The following CRYBB1 variants were observed in gnomAD, a reference collection of about 807,000 sequenced individuals.
CRYBB1 encodes the protein beta-crystallin B1.
CRYBB1 carries 16 observed loss-of-function variants against 29.5 expected under a neutral mutation model. That is an observed-to-expected ratio of 0.54 (90% confidence interval 0.37 to 0.82). The LOEUF (loss-of-function observed/expected upper bound fraction) is 0.82. Ranked by LOEUF, CRYBB1 falls within the 40% of genes least tolerant of loss-of-function variation. CRYBB1 has a pLI of 0.00. For missense variants in CRYBB1, 300 were observed against 350.5 expected (o/e 0.86, Z 1.15); for synonymous variants, 127 against 136.7 (o/e 0.93, Z 0.49).
intron 4 of CRYBB1, 110 bp from the exon 5 acceptor site, chr22:26,602,131 G>C (rs566338372): frequency 1.3e-5 from 18 of 1,378,304 alleles, no homozygotes; most frequent in Non-Finnish European, 1.7e-5. Context: ...TGTTCAGGCT[G>C]CTGGGGGACT....
chr22:26,615,618 A>T (rs139826232), intron 2 of CRYBB1, among the ~76,000 whole-genome samples: 5,182 of 151,682 alleles, frequency 0.034, 148 homozygotes, highest in East Asian at 0.093. Flanking sequence ...GGTTCAAGTG[A>T]TTCTCCTGCC....
At chr22:26,617,127 G>T (rs1309133115) in intron 1 of CRYBB1, among the ~76,000 whole-genome samples, 1 of 152,172 alleles carries the variant, frequency 6.6e-6, no homozygotes, top group African/African-American at 2.4e-5. Context: ...GAGGACCCAA[G>T]AGGATGTATT....
intron 3 of CRYBB1, among the ~76,000 whole-genome samples, chr22:26,609,631 T>G (rs1929094427): frequency 6.6e-6 from 1 of 152,020 alleles, no homozygotes; most frequent in Non-Finnish European, 1.5e-5. Context: ...TGGATGTATG[T>G]ATGGATAGAT....
At chr22:26,612,235 G>C (rs769654958) in intron 2 of CRYBB1, 45 bp from the exon 3 acceptor site, 1 of 1,333,740 alleles carries the variant, frequency 7.5e-7, no homozygotes, top group Non-Finnish European at 1.1e-6. Context: ...TGAGGGGGGA[G>C]TCAAAAATTC....
In CRYBB1 at chr22:26,599,520, G is replaced by A; in HGVS notation, c.729C>T (p.Phe243=). 6.2e-7 allele frequency: 1 copy of A among 1,613,440 alleles called. No homozygotes were observed. Among genetic ancestry groups the A allele is most frequent in the Non-Finnish European group, 8.5e-7 (1 of 1,180,038 alleles). ...RDKQWHLEGS[F]PVLATEPPK ...TGGGGGGCTCTGTGGCCAGGACAGG[G>A]AAGGACCCCTCGAGGTGCCACTGCT... The change falls in exon 6 of 6, where the codon TTC becomes TTT. Residue 243 remains phenylalanine, a synonymous_variant. Transcript: ENST00000647684.
intron 2 of CRYBB1, among the ~76,000 whole-genome samples, chr22:26,614,379 T>C (rs1929276582): frequency 6.6e-6 from 1 of 152,220 alleles, no homozygotes. Flanking sequence ...TTTTGTACTC[T>C]GTCCCTTTAT....
intron 4 of CRYBB1, among the ~76,000 whole-genome samples, chr22:26,603,627 G>A (rs1467328826): frequency 1.3e-5 from 2 of 150,864 alleles, no homozygotes; most frequent in African/African-American, 2.4e-5. Context: ...AGGCCTGGCC[G>A]GGCGCGGTGG....
rs148083686 is a variant in CRYBB1 at position 26,607,927 on chromosome 22, G to A, written c.394C>T (p.Arg132Cys). The change falls in exon 4 of 6, where the codon CGC becomes TGC. Residue 132 changes from arginine to cysteine, a missense_variant. Arg to Cys is a radical substitution (Grantham distance 180, BLOSUM62 -3). Coordinates refer to ENST00000647684, the MANE Select transcript of CRYBB1 (RefSeq NM_001887.4). ...CGGAAGGACATGAGCCGATCACTGC[G>A]GTAGCTGCTCGACCATGTGTTCCAG... ...PRWNTWSSSY[R>C]SDRLMSFRPI... is the part of the protein sequence containing the mutation. 105 of 1,614,068 alleles carry A rather than the reference G, an allele frequency of 6.5e-5. No individual in the cohort carries two copies. The African/African-American group carries it at 7.3e-4, about 11-fold the overall frequency.
At position 26,616,147 on chromosome 22, in the gene CRYBB1, T is replaced by A; in HGVS notation, c.173A>T (p.Asn58Ile). 6.2e-7 allele frequency: 1 copy of A among 1,613,936 alleles called. No homozygotes were observed. Among genetic ancestry groups the A allele is most frequent in the Non-Finnish European group, 8.5e-7 (1 of 1,179,824 alleles). Residue 58 changes from asparagine to isoleucine, a missense_variant, in exon 2 of 6, where the codon AAC (asparagine) becomes ATC (isoleucine). Coordinates refer to ENST00000647684, the MANE Select transcript of CRYBB1 (RefSeq NM_001887.4). Reference sequence around the variant, plus strand: ...GCACCCCCAGGTCCTTACCCTGTAGTTCCCAGGAGGCAGTTCCGCCGCCTT... The same window carrying A: ...GCACCCCCAGGTCCTTACCCTGTAGATCCCAGGAGGCAGTTCCGCCGCCTT... ...SAKAAELPPG[N>I]YRLVVFELEN...
At chr22:26,612,780 G>GCTCCCA (rs138181017) in intron 2 of CRYBB1, among the ~76,000 whole-genome samples, 2,825 of 152,278 alleles carry the variant, frequency 0.019, 79 homozygotes, top group African/African-American at 0.065. Flanking sequence ...CCAGCTTGGA[G>GCTCCCA]CTCCCACTGC....
At chr22:26,602,972 A>G (rs1928867409) in intron 4 of CRYBB1, among the ~76,000 whole-genome samples, 1 of 151,544 alleles carries the variant, frequency 6.6e-6, no homozygotes, top group Non-Finnish European at 1.5e-5. Context: ...AAATACAAAA[A>G]AAATTAGCCG....
At position 26,607,963 on chromosome 22, in the gene CRYBB1, C is replaced by T. The variant is rs762762177; in HGVS notation, c.358G>A (p.Glu120Lys). ...RGEMFILEKG[E>K]YPRWNTWSSS... ...GACCATGTGTTCCAGCGAGGGTACT[C>T]GCCCTTCTCCAGGATGAACATCTCC... Residue 120 changes from glutamate (E) to lysine (K), a missense_variant, in exon 4 of 6, where the codon GAG (glutamate) becomes AAG (lysine). Transcript: ENST00000647684. 9.9e-6 allele frequency: 16 copies of T among 1,614,078 alleles called. No individual in the cohort carries two copies. Among genetic ancestry groups the T allele is most frequent in the Admixed American group, 5.0e-5 (3 of 60,002 alleles).
intron 1 of CRYBB1, among the ~76,000 whole-genome samples, 177 bp from the exon 2 acceptor site, chr22:26,616,515 T>TG (rs1310516071): frequency 1.3e-5 from 2 of 152,216 alleles, no homozygotes; most frequent in African/African-American, 4.8e-5. Flanking sequence ...CCTTCCCGTC[T>TG]GGGGGCCACT....
Position 26,612,190 on chromosome 22 carries a change from G to A in CRYBB1, c.181C>T (p.Leu61=), listed in dbSNP as rs1444738014. The change falls in exon 3 of 6, where the codon CTG becomes TTG. Residue 61 remains leucine (L), a splice_region_variant and synonymous_variant. Coordinates refer to ENST00000647684, the MANE Select transcript of CRYBB1 (RefSeq NM_001887.4). ...AAELPPGNYR[L]VVFELENFQG... ...AAGTTTTCCAGTTCGAAGACCACCA[G>A]CTGCAGGAGAGAAGCCCCCATGCCA... 2.5e-6 allele frequency: 4 copies of A among 1,609,130 alleles called. No individual in the cohort carries two copies. The highest frequency in any genetic ancestry group is 2.2e-5 in the East Asian group (1 of 44,828).
At chr22:26,601,397 T>G (rs1257774425) in intron 5 of CRYBB1, among the ~76,000 whole-genome samples, 1 of 152,066 alleles carries the variant, frequency 6.6e-6, no homozygotes, top group Non-Finnish European at 1.5e-5. Context: ...CTGGCAAGAC[T>G]GAGAGGCAGA....
At position 26,602,223 on chromosome 22, in the gene CRYBB1, A is replaced by C. The variant is rs2301442; in HGVS notation, c.433-202T>G. 8.0e-4 allele frequency among the ~76,000 whole-genome samples: 122 copies of C among 152,254 alleles called. 1 individual carries two copies. In the East Asian group the frequency reaches 0.022, roughly 28 times the overall value. ...ACTCCCACGTCATAGGGTCCTCGTG[A>C]GGATGAAATGAGTGTATCCATATAG... On this transcript the variant is annotated intron_variant, in intron 4 of 5. Coordinates refer to ENST00000647684, the MANE Select transcript of CRYBB1 (RefSeq NM_001887.4).
chr22:26,612,666 C>G (rs139715051), intron 2 of CRYBB1, among the ~76,000 whole-genome samples: 148 of 152,348 alleles, frequency 9.7e-4, no homozygotes, highest in South Asian at 4.8e-3. Flanking sequence ...TGCCCTAATT[C>G]TGAAGCTAAG....
rs1928750765 is a variant in CRYBB1 at position 26,599,370 on chromosome 22, A to G, written c.*120T>C. 7.6e-6 allele frequency: 7 copies of G among 923,156 alleles called. No individual in the cohort carries two copies. Among genetic ancestry groups the G allele is most frequent in the African/African-American group, 1.6e-5 (1 of 60,948 alleles). The allele number at this position is 923,156 out of a possible 1,614,324, so 57.2% of individuals were successfully genotyped here. ...AACTATGGGGGACCTCAAGGCACAC[A>G]TCTGTTTACAGATCCAGGAGAAATT... is the stretch of plus-strand genomic sequence containing the variant. On this transcript the variant is annotated 3_prime_UTR_variant, in exon 6 of 6. Transcript: ENST00000647684.
chr22:26,610,162 C>T (rs1238350464), intron 3 of CRYBB1, among the ~76,000 whole-genome samples: 1 of 152,118 alleles, frequency 6.6e-6, no homozygotes, highest in East Asian at 1.9e-4. Context: ...CATTTCAACC[C>T]GCAAGCAGGG....
Sources: allele counts gnomAD v4.1 joint callset (sites outside exome capture counted in the v4.1 genomes callset), GRCh38; gene constraint gnomAD v4.1.1; transcripts MANE v1.5; gene names NCBI Gene and HGNC (gene_info 2026-07-23, HGNC 2026-07-21).